Variants in SPESP1 observed in about 807,000 individuals in gnomAD.
SPESP1 encodes the protein equatorial segment protein.
Under a neutral mutation model 3.1 loss-of-function variants are expected in SPESP1, and 1 was observed. That is an observed-to-expected ratio of 0.33 (90% CI 0.12 to 1.54). The LOEUF is 1.54. Ranked by LOEUF, SPESP1 falls within the 40% of genes most tolerant of loss-of-function variation. The pLI, the probability that SPESP1 is intolerant of heterozygous loss-of-function variation, is 0.38. For missense variants in SPESP1, 398 were observed against 410.1 expected (o/e 0.97, Z 0.26); for synonymous variants, 138 against 150.7 (o/e 0.92, Z 0.62).
chr15:68,930,720 G>T lies in SPESP1; in HGVS notation c.64+3G>T, dbSNP rs202159219. Reference sequence around the variant, plus strand: ...TTCGTCTGTGCCGGCTTATCCGAGTGAGTGACGGGCCTGAGGAGGCAGCGG... The same window carrying T: ...TTCGTCTGTGCCGGCTTATCCGAGTTAGTGACGGGCCTGAGGAGGCAGCGG... On this transcript the variant is annotated splice_donor_region_variant and intron_variant, in intron 1 of 1. Transcript: ENST00000310673. 5.2e-5 allele frequency: 84 copies of T among 1,613,964 alleles called. No homozygotes were observed. In the Admixed American group the frequency reaches 8.7e-4, roughly 17 times the overall value.
intron 1 of SPESP1, among the ~76,000 whole-genome samples, chr15:68,940,756 CTT>C (rs575503960): frequency 1.6e-4 from 20 of 125,390 alleles, no homozygotes; most frequent in South Asian, 5.1e-4. Context: ...TCAGATTTGA[CTT>C]TTTTTTTTTT....
chr15:68,944,758 A>G (rs1187708612), intron 1 of SPESP1, among the ~76,000 whole-genome samples: 6 of 152,152 alleles, frequency 3.9e-5, no homozygotes. Context: ...AATAGGCAAG[A>G]CTCATTGGGT....
chr15:68,938,801 A>G (rs1895746137), intron 1 of SPESP1, among the ~76,000 whole-genome samples: 1 of 152,158 alleles, frequency 6.6e-6, no homozygotes, highest in Admixed American at 6.5e-5. Context: ...CTTACTTATA[A>G]GTTGAATATA....
At chr15:68,935,646 A>T (rs1301602399) in intron 1 of SPESP1, among the ~76,000 whole-genome samples, 1 of 152,270 alleles carries the variant, frequency 6.6e-6, no homozygotes, top group Non-Finnish European at 1.5e-5. Context: ...ACTACCCAAG[A>T]ACATGAATAG....
At chr15:68,937,509 A>T (rs546206844) in intron 1 of SPESP1, among the ~76,000 whole-genome samples, 2 of 152,198 alleles carry the variant, frequency 1.3e-5, no homozygotes, top group South Asian at 2.1e-4. Flanking sequence ...TTTCTTCTAA[A>T]AAAAAAACAG....
intron 1 of SPESP1, among the ~76,000 whole-genome samples, chr15:68,936,685 A>G (rs1895690482): frequency 6.6e-6 from 1 of 152,208 alleles, no homozygotes; most frequent in African/African-American, 2.4e-5. Context: ...AAGATAAATA[A>G]AAGGTAAATT....
intron 1 of SPESP1, among the ~76,000 whole-genome samples, chr15:68,933,331 C>A (rs777197709): frequency 5.9e-5 from 9 of 151,396 alleles, no homozygotes; most frequent in Non-Finnish European, 1.2e-4. Context: ...ATACAGAAGT[C>A]GGCACTCCTT....
rs1895831455 is a variant in SPESP1 at position 68,941,819 on chromosome 15, A to AT, written c.65-3776dup. The stretch of plus-strand genomic sequence containing the variant: ...TAGCCTACTATAACTCTTCATATTG[A>AT]TTTTGGCATGTTTTTAATATTTTAT... On this transcript the variant is annotated intron_variant, in intron 1 of 1. Transcript: ENST00000310673. Among the ~76,000 whole-genome samples the AT allele has an allele frequency of 2.0e-5, 3 of 152,244 alleles. No individual in the cohort carries two copies. The South Asian group carries it at 6.2e-4, about 32-fold the overall frequency.
intron 1 of SPESP1, among the ~76,000 whole-genome samples, chr15:68,939,322 A>G (rs1785031604): frequency 2.0e-5 from 3 of 152,236 alleles, no homozygotes; most frequent in Non-Finnish European, 4.4e-5. Flanking sequence ...GACTATGAAT[A>G]TCCAAGTATA....
At chr15:68,930,897 C>G (rs975301606) in intron 1 of SPESP1, among the ~76,000 whole-genome samples, 180 bp downstream of exon 1, 3 of 152,084 alleles carry the variant, frequency 2.0e-5, no homozygotes, top group Non-Finnish European at 4.4e-5. Context: ...TCAGGGAACG[C>G]AGCAACTGAG....
intron 1 of SPESP1, among the ~76,000 whole-genome samples, chr15:68,933,348 C>A (rs1895600501): frequency 6.6e-6 from 1 of 151,816 alleles, no homozygotes; most frequent in African/African-American, 2.4e-5. Flanking sequence ...CCTTTACATA[C>A]ACACACACAC....
chr15:68,940,503 A>G (rs1322406151), intron 1 of SPESP1, among the ~76,000 whole-genome samples: 1 of 152,184 alleles, frequency 6.6e-6, no homozygotes, highest in Non-Finnish European at 1.5e-5. Context: ...ATCAGAATTC[A>G]AGTAAGATTT....
rs150328243 is a variant in SPESP1 at position 68,930,668 on chromosome 15, C to A, written c.15C>A (p.Val5=). MKPL[V]LLVALLLWPS... is the part of the protein sequence containing the mutation. Reference sequence around the variant, plus strand: ...GGACGACGCCTATGAAGCCCTTAGTCCTTCTAGTTGCGCTTTTGCTATGGC... The same window carrying A: ...GGACGACGCCTATGAAGCCCTTAGTACTTCTAGTTGCGCTTTTGCTATGGC... The change falls in exon 1 of 2, where the codon GTC becomes GTA. Residue 5 remains valine, a synonymous_variant. Transcript: ENST00000310673. 591 of 1,614,016 alleles carry A rather than the reference C, an allele frequency of 3.7e-4. 5 individuals are homozygous for A. Among genetic ancestry groups the A allele is most frequent in the South Asian group, 3.2e-3 (295 of 91,076 alleles).
In SPESP1 at chr15:68,932,413, C is replaced by T. The variant is rs538474079; in HGVS notation, c.64+1696C>T. 9.1e-5 allele frequency among the ~76,000 whole-genome samples: 13 copies of T among 142,564 alleles called. No homozygotes were observed. In the South Asian group the frequency reaches 2.7e-3, roughly 30 times the overall value. 93.5% of individuals were successfully genotyped at this position (142,564 alleles called of 152,430 possible). A position where few individuals can be genotyped will look rare whatever the true frequency, so the allele number is the denominator to read the frequency against. On this transcript the variant is annotated intron_variant, in intron 1 of 1. Coordinates refer to ENST00000310673, the MANE Select transcript of SPESP1 (RefSeq NM_145658.4). Reference sequence around the variant, plus strand: ...CCCCCCCTTTTTTTTTTGCCTGAGACAGGGTCTCACTCTCTAGCTCAGACT... The same window carrying T: ...CCCCCCCTTTTTTTTTTGCCTGAGATAGGGTCTCACTCTCTAGCTCAGACT...
rs116513477 is a variant in SPESP1 at position 68,937,661 on chromosome 15, G to A, written c.64+6944G>A. Among the ~76,000 whole-genome samples the A allele has an allele frequency of 8.8e-3, 1,336 of 152,224 alleles. 17 individuals are homozygous for A. The highest frequency in any genetic ancestry group is 0.029 in the African/African-American group (1,214 of 41,532). On this transcript the variant is annotated intron_variant, in intron 1 of 1. Transcript: ENST00000310673. Reference sequence around the variant, plus strand: ...CGGTGGTGTGTGTTCTCCAGGGGCTGGGGTATAGGGGATATGGGAAATGGG... The same window carrying A: ...CGGTGGTGTGTGTTCTCCAGGGGCTAGGGTATAGGGGATATGGGAAATGGG...
chr15:68,930,545 C>G lies in SPESP1; in HGVS notation c.-109C>G. 1.4e-6 allele frequency: 2 copies of G among 1,475,438 alleles called. No individual in the cohort carries two copies. The allele number at this position is 1,475,438 out of a possible 1,614,324, so 91.4% of individuals were successfully genotyped here. On this transcript the variant is annotated 5_prime_UTR_variant, in exon 1 of 2. Coordinates refer to ENST00000310673, the MANE Select transcript of SPESP1 (RefSeq NM_145658.4). ...CAACCGTTGCTGGGTGTCCCAGGGCCTGAGGCAGGACGGTACTCCGCTGAC... is the reference window on the plus strand; with the variant it reads ...CAACCGTTGCTGGGTGTCCCAGGGCGTGAGGCAGGACGGTACTCCGCTGAC...
chr15:68,937,624 C>A (rs1895716977), intron 1 of SPESP1, among the ~76,000 whole-genome samples: 1 of 152,074 alleles, frequency 6.6e-6, no homozygotes, highest in South Asian at 2.1e-4. Flanking sequence ...TCACCCCCCA[C>A]CCACCAACAG....
chr15:68,941,056 T>C (rs1427269270), intron 1 of SPESP1, among the ~76,000 whole-genome samples: 1 of 152,048 alleles, frequency 6.6e-6, no homozygotes, highest in East Asian at 1.9e-4. Flanking sequence ...TAATAGAGGC[T>C]TTATAATATA....
intron 1 of SPESP1, among the ~76,000 whole-genome samples, chr15:68,942,822 G>A (rs1895861365): frequency 6.6e-6 from 1 of 152,082 alleles, no homozygotes; most frequent in African/African-American, 2.4e-5. Context: ...CTATAAATTG[G>A]TAGAGCCAGG....
Sources: allele counts gnomAD v4.1 joint callset (sites outside exome capture counted in the v4.1 genomes callset), GRCh38; gene constraint gnomAD v4.1.1; transcripts MANE v1.5; gene names NCBI Gene and HGNC (gene_info 2026-07-23, HGNC 2026-07-21).